PEAK1: variants seen among roughly 807,000 people sequenced by gnomAD.
The protein encoded by PEAK1 is pseudopodium enriched atypical kinase 1.
PEAK1 carries 54 observed loss-of-function variants against 124.7 expected under a neutral mutation model. The observed-to-expected ratio is 0.43, with a 90% CI of 0.35 to 0.54. The LOEUF is 0.54. Ranked by LOEUF, PEAK1 falls within the 20% of genes least tolerant of loss-of-function variation. The pLI, the probability that PEAK1 is intolerant of heterozygous loss-of-function variation, is 0.01. For missense variants in PEAK1, 2,046 were observed against 2,134.5 expected (o/e 0.96, Z 0.82); for synonymous variants, 719 against 760.0 (o/e 0.95, Z 0.89).
At chr15:77,353,174 G>C (rs954097805) in intron 2 of PEAK1, among the ~76,000 whole-genome samples, 2 of 152,298 alleles carry the variant, frequency 1.3e-5, no homozygotes, top group African/African-American at 4.8e-5. Context: ...GGCATTCCAA[G>C]TATCGATCGT....
At chr15:77,360,399 A>G (rs2067809751) in intron 2 of PEAK1, among the ~76,000 whole-genome samples, 1 of 152,242 alleles carries the variant, frequency 6.6e-6, no homozygotes, top group Admixed American at 6.5e-5. Context: ...TTGTGCTTCA[A>G]AGGACAATAT....
At chr15:77,210,158 T>C (rs1455934603) in intron 6 of PEAK1, among the ~76,000 whole-genome samples, 2 of 152,222 alleles carry the variant, frequency 1.3e-5, no homozygotes, top group Non-Finnish European at 2.9e-5. Flanking sequence ...TATCCTTATA[T>C]TTACTTCTTA....
At chr15:77,296,779 T>A (rs117137307) in intron 2 of PEAK1, among the ~76,000 whole-genome samples, 1,569 of 151,794 alleles carry the variant, frequency 0.01, 19 homozygotes, top group Middle Eastern at 0.024. Flanking sequence ...GGAGGTCTCA[T>A]GTTTAAAGAG....
At chr15:77,211,802 C>A (rs913719667) in intron 6 of PEAK1, among the ~76,000 whole-genome samples, 15 of 139,996 alleles carry the variant, frequency 1.1e-4, no homozygotes, top group African/African-American at 4.0e-4. Flanking sequence ...GAGCCGAGAT[C>A]ACGCCACTGC....
At position 77,402,561 on chromosome 15, in the gene PEAK1, T is replaced by A. The variant is rs1024028066; in HGVS notation, c.-666+17445A>T. On this transcript the variant is annotated intron_variant, in intron 1 of 9. Transcript: ENST00000682557. Reference sequence around the variant, plus strand: ...GAAAAAATCAAGTTTAATCTGATTATCTTTCTGTCATCAAATAATGAAAGA... The same window carrying A: ...GAAAAAATCAAGTTTAATCTGATTAACTTTCTGTCATCAAATAATGAAAGA... The A allele has an allele frequency of 7.2e-6, 7 of 975,702 alleles. No homozygotes were observed. The African/African-American group carries it at 1.2e-4, about 17-fold the overall frequency. 60.4% of individuals were successfully genotyped at this position (975,702 alleles called of 1,614,324 possible). A position where few individuals can be genotyped will look rare whatever the true frequency, so the allele number is the denominator to read the frequency against.
chr15:77,129,716 G>A (rs1209782284), intron 9 of PEAK1, among the ~76,000 whole-genome samples: 1 of 151,770 alleles, frequency 6.6e-6, no homozygotes, highest in Non-Finnish European at 1.5e-5. Flanking sequence ...AAACTGTTGA[G>A]ATTACAGGCG....
chr15:77,363,986 G>A (rs2141597773), intron 2 of PEAK1, among the ~76,000 whole-genome samples: 1 of 151,984 alleles, frequency 6.6e-6, no homozygotes, highest in Non-Finnish European at 1.5e-5. Flanking sequence ...ATCACTTGAG[G>A]TTAGGAGGTC....
At position 77,362,893 on chromosome 15, in the gene PEAK1, T is replaced by C. The variant is rs550061873; in HGVS notation, c.-603+2270A>G. Among the ~76,000 whole-genome samples the C allele has an allele frequency of 5.3e-5, 8 of 152,346 alleles. No individual in the cohort carries two copies. In the South Asian group the frequency reaches 1.2e-3, roughly 24 times the overall value. On this transcript the variant is annotated intron_variant, in intron 2 of 9. Transcript: ENST00000682557. ...TTTTTTTAGACGGAGTCTTACTCTG[T>C]AACCCAGGCTGGAGTGCAATAGTGT...
At chr15:77,136,678 T>C (rs2053358997) in intron 8 of PEAK1, among the ~76,000 whole-genome samples, 2 of 151,576 alleles carry the variant, frequency 1.3e-5, no homozygotes, top group African/African-American at 4.9e-5. Flanking sequence ...AAAAAATAAA[T>C]AAATAAAAAT....
At position 77,133,194 on chromosome 15, in the gene PEAK1, A is replaced by G; in HGVS notation, c.3888T>C (p.Asp1296=). Residue 1296 remains aspartate, a synonymous_variant, in exon 9 of 10, where the codon GAT becomes GAC. Coordinates refer to ENST00000682557, the MANE Select transcript of PEAK1 (RefSeq NM_001385026.1). The surrounding 1 kb of genome is among the most constrained non-coding windows in gnomAD (Gnocchi z 4.2). ...ATTTAACAGCCAGTTTCTTCAAGGC[A>G]TCTGTATGAAGGCTTCGGATTTTAC... ...VVGKIRSLHT[D]ALKKLAVKCE... 6.2e-7 allele frequency: 1 copy of G among 1,614,208 alleles called. No homozygotes were observed. The highest frequency in any genetic ancestry group is 8.5e-7 in the Non-Finnish European group (1 of 1,180,024).
chr15:77,219,288 T>C (rs2059281881), intron 6 of PEAK1, among the ~76,000 whole-genome samples: 1 of 152,056 alleles, frequency 6.6e-6, no homozygotes, highest in African/African-American at 2.4e-5. Context: ...CAGCAATGAT[T>C]GATGACCCCG....
chr15:77,418,043 T>G, intron 1 of PEAK1: 1 of 982,074 alleles, frequency 1.0e-6, no homozygotes, highest in Non-Finnish European at 1.2e-6. Context: ...CAAACAGTTA[T>G]GAAGTGGCAT....
In PEAK1 at chr15:77,374,578, A is replaced by G. The variant is rs561555301; in HGVS notation, c.-665-9353T>C. On this transcript the variant is annotated intron_variant, in intron 1 of 9. Transcript: ENST00000682557. ...ATGAACATGTAGCTTCAATAATAAG[A>G]ATTTTGAACTTATAAATGGTGATAT... 2.5e-4 allele frequency among the ~76,000 whole-genome samples: 38 copies of G among 152,204 alleles called. No individual in the cohort carries two copies. The East Asian group carries it at 5.6e-3, about 22-fold the overall frequency.
chr15:77,290,560 C>CTTT (rs879445541), intron 2 of PEAK1, among the ~76,000 whole-genome samples: 1 of 145,274 alleles, frequency 6.9e-6, no homozygotes. Context: ...GCTTCTTCTT[C>CTTT]TTTTTTTTTT....
chr15:77,361,021 C>T (rs933380034), intron 2 of PEAK1, among the ~76,000 whole-genome samples: 10 of 152,056 alleles, frequency 6.6e-5, no homozygotes, highest in Admixed American at 2.0e-4. Context: ...AAGAAACAAA[C>T]GGGATTACAT....
chr15:77,150,417 T>C (rs995943941), intron 8 of PEAK1, among the ~76,000 whole-genome samples: 4 of 152,186 alleles, frequency 2.6e-5, no homozygotes, highest in Non-Finnish European at 5.9e-5. Flanking sequence ...AGCTAATATA[T>C]GTTAGGCACT....
chr15:77,214,867 C>T (rs765959483), intron 6 of PEAK1, among the ~76,000 whole-genome samples: 7 of 151,988 alleles, frequency 4.6e-5, no homozygotes, highest in East Asian at 1.9e-4. Context: ...GGGAGTCCTC[C>T]GGCCTCATGA....
chr15:77,354,992 T>C (rs1254641321), intron 2 of PEAK1, among the ~76,000 whole-genome samples: 3 of 150,870 alleles, frequency 2.0e-5, no homozygotes, highest in Non-Finnish European at 4.4e-5. Flanking sequence ...TGAGCCAAGA[T>C]AGCGCCACTG....
At chr15:77,271,412 C>G (rs1174701448) in intron 5 of PEAK1, among the ~76,000 whole-genome samples, 3 of 152,168 alleles carry the variant, frequency 2.0e-5, no homozygotes, top group African/African-American at 7.2e-5. Context: ...ACCGTTTGAC[C>G]CAGCCATCCA....
Sources: gnomAD v4.1 joint callset for allele counts (sites outside exome capture counted in the v4.1 genomes callset) on GRCh38, gnomAD v4.1.1 for gene constraint, Gnocchi (gnomAD v3.1) non-coding constraint, MANE v1.5 for transcripts, NCBI Gene and HGNC (gene_info 2026-07-23, HGNC 2026-07-21) for gene names.